The following A1CF variants were observed in gnomAD, a reference collection of about 807,000 sequenced individuals.
A1CF encodes APOBEC-1 stimulating protein.
In A1CF, 48 loss-of-function variants were observed where a neutral mutation model predicts 68.9. The observed-to-expected ratio is 0.70, with a 90% confidence interval of 0.55 to 0.89. The LOEUF (loss-of-function observed/expected upper bound fraction) is 0.89, where lower values mean the gene tolerates loss of function less well. A1CF is among the 40% of genes least tolerant of loss of function. A1CF has a pLI of 0.00. For missense variants in A1CF, 653 were observed against 718.9 expected (o/e 0.91, Z 1.05); for synonymous variants, 272 against 260.4 (o/e 1.04, Z -0.43).
intron 7 of A1CF, among the ~76,000 whole-genome samples, chr10:50,821,213 A>C (rs536959548): frequency 1.3e-5 from 2 of 152,334 alleles, no homozygotes; most frequent in African/African-American, 4.8e-5. Flanking sequence ...TTTAAATAAA[A>C]AACAAAAAGA....
At chr10:50,855,078 G>A (rs1840416621) in intron 3 of A1CF, among the ~76,000 whole-genome samples, 1 of 151,860 alleles carries the variant, frequency 6.6e-6, no homozygotes, top group African/African-American at 2.4e-5. Flanking sequence ...ACCACGTTGG[G>A]TGGAAGTGTA....
chr10:50,835,226 A>T (rs2132424376), intron 6 of A1CF, among the ~76,000 whole-genome samples: 1 of 152,210 alleles, frequency 6.6e-6, no homozygotes, highest in South Asian at 2.1e-4. Context: ...TTTTGAAGAT[A>T]TCTAGGGGGC....
chr10:50,848,249 C>T (rs929113560), intron 3 of A1CF, among the ~76,000 whole-genome samples: 4 of 152,142 alleles, frequency 2.6e-5, no homozygotes, highest in Admixed American at 6.6e-5. Context: ...TTTACATTAA[C>T]ACAATATACT....
chr10:50,821,541 AT>A (rs145573952), intron 7 of A1CF, among the ~76,000 whole-genome samples: 9 of 149,288 alleles, frequency 6.0e-5, no homozygotes, highest in African/African-American at 1.5e-4. Flanking sequence ...TTAGAGACCT[AT>A]TTTTTTTTTT....
At position 50,862,429 on chromosome 10, in the gene A1CF, A is replaced by G. The variant is rs1240741486; in HGVS notation, c.-46+1604T>C. ...CATCAAAGGAAAAAATGAGATTATC[A>G]AGAGTTAGCTGTTTTTAGGGACAGA... is the stretch of plus-strand genomic sequence containing the variant. On this transcript the variant is annotated intron_variant, in intron 2 of 12. Transcript: ENST00000373997. Among the ~76,000 whole-genome samples, 12 of 152,122 alleles carry G rather than the reference A, an allele frequency of 7.9e-5. 1 individual carries two copies. Among genetic ancestry groups the G allele is most frequent in the African/African-American group, 2.7e-4 (11 of 41,446 alleles).
rs1837647590 is a variant in A1CF at position 50,802,679 on chromosome 10, T to C, written c.*4050A>G. The C allele has an allele frequency of 1.8e-5, 1 of 55,142 alleles. No homozygotes were observed. The highest frequency in any genetic ancestry group is 6.2e-5 in the Non-Finnish European group (1 of 16,054). 3.4% of individuals were successfully genotyped at this position (55,142 alleles called of 1,614,324 possible). On this transcript the variant is annotated 3_prime_UTR_variant, in exon 13 of 13. Transcript: ENST00000373997. ...TGTTGTAAGTTACTTTTAGGAAATC[T>C]TAGTGTTAGAGTTGTTCAATAATAA... is the stretch of plus-strand genomic sequence containing the variant.
At chr10:50,868,247 A>G (rs1841087264) in intron 1 of A1CF, among the ~76,000 whole-genome samples, 1 of 152,258 alleles carries the variant, frequency 6.6e-6, no homozygotes, top group Admixed American at 6.5e-5. Flanking sequence ...AATTCTAGAT[A>G]GTACTGAAAT....
intron 5 of A1CF, among the ~76,000 whole-genome samples, chr10:50,837,828 A>C (rs1322019319): frequency 6.6e-6 from 1 of 152,164 alleles, no homozygotes; most frequent in African/African-American, 2.4e-5. Context: ...ACGTAGAAGA[A>C]TATATATTGG....
In A1CF at chr10:50,831,382, A is replaced by G. The variant is rs113863079; in HGVS notation, c.605-3087T>C. Among the ~76,000 whole-genome samples the G allele has an allele frequency of 1.4e-3, 213 of 152,352 alleles. 1 individual carries two copies. The highest frequency in any genetic ancestry group is 4.6e-3 in the African/African-American group (191 of 41,580). Reference sequence around the variant, plus strand: ...CATTTGATAAGGAGTTAATATCCCAAATATATAGAGAACTCAAACAATCAA... The same window carrying G: ...CATTTGATAAGGAGTTAATATCCCAGATATATAGAGAACTCAAACAATCAA... On this transcript the variant is annotated intron_variant, in intron 6 of 12. Transcript: ENST00000373997.
At chr10:50,863,280 T>C (rs1364770879) in intron 2 of A1CF, among the ~76,000 whole-genome samples, 1 of 152,196 alleles carries the variant, frequency 6.6e-6, no homozygotes, top group African/African-American at 2.4e-5. Context: ...GAATCCCAGA[T>C]AAATATTTCT....
intron 5 of A1CF, among the ~76,000 whole-genome samples, chr10:50,838,688 G>A (rs1839635675): frequency 6.6e-6 from 1 of 152,128 alleles, no homozygotes; most frequent in Non-Finnish European, 1.5e-5. Flanking sequence ...ATGATAGGTG[G>A]GTGAGAAATG....
intron 1 of A1CF, among the ~76,000 whole-genome samples, chr10:50,864,624 TA>T (rs1322391626): frequency 6.6e-6 from 1 of 152,132 alleles, no homozygotes; most frequent in African/African-American, 2.4e-5. Context: ...CTCTTTTCTT[TA>T]CTTTTTTTTT....
rs1379281746 is a variant in A1CF, at chr10:50,877,639, A to G, written c.-94+7942T>C. Among the ~76,000 whole-genome samples, 3 of 152,262 alleles carry G rather than the reference A, an allele frequency of 2.0e-5. No homozygotes were observed. The East Asian group carries it at 5.8e-4, about 29-fold the overall frequency. On this transcript the variant is annotated intron_variant, in intron 1 of 12. Transcript: ENST00000373997. ...TTTATGCTAATTTACATGCATCATC[A>G]TAAGTGGCTTTGAGTACTGATCTTT...
At chr10:50,866,697 A>C (rs1185258750) in intron 1 of A1CF, among the ~76,000 whole-genome samples, 1 of 152,198 alleles carries the variant, frequency 6.6e-6, no homozygotes, top group African/African-American at 2.4e-5. Context: ...TCTTGTACCT[A>C]AAAGCTGATC....
chr10:50,839,232 A>G (rs1284371980), intron 5 of A1CF, among the ~76,000 whole-genome samples: 5 of 152,172 alleles, frequency 3.3e-5, no homozygotes, highest in South Asian at 2.1e-4. Flanking sequence ...TTGGGTAACA[A>G]TGTGTTAAGT....
intron 1 of A1CF, among the ~76,000 whole-genome samples, chr10:50,875,957 T>C (rs908432521): frequency 1.3e-5 from 2 of 152,332 alleles, no homozygotes; most frequent in African/African-American, 4.8e-5. Context: ...TTGACTTTCC[T>C]GATTTTCTTT....
chr10:50,807,821 C>A (rs1256402243), intron 12 of A1CF, among the ~76,000 whole-genome samples: 2 of 152,124 alleles, frequency 1.3e-5, no homozygotes, highest in Non-Finnish European at 2.9e-5. Flanking sequence ...TTGTTTTAAA[C>A]CCCATTTAGT....
intron 1 of A1CF, among the ~76,000 whole-genome samples, chr10:50,866,156 T>C (rs1353671303): frequency 6.6e-6 from 1 of 152,260 alleles, no homozygotes; most frequent in South Asian, 2.1e-4. Context: ...ATTTGTTTTA[T>C]ATAAGAAATT....
chr10:50,828,417 A>T, intron 6 of A1CF, 122 bp from the exon 7 acceptor site: 1 of 688,756 alleles, frequency 1.5e-6, no homozygotes, highest in South Asian at 3.5e-5. Context: ...CAAGAAGACC[A>T]TTAAAACTGG....
Sources: gnomAD v4.1 joint callset for allele counts (sites outside exome capture counted in the v4.1 genomes callset) on GRCh38, gnomAD v4.1.1 for gene constraint, MANE v1.5 for transcripts, NCBI Gene and HGNC (gene_info 2026-07-23, HGNC 2026-07-21) for gene names.